Variants in NAA25 observed in about 807,000 individuals in gnomAD.
NAA25 encodes the protein N-alpha-acetyltransferase 25, NatB auxiliary subunit.
Under a neutral mutation model 132.5 loss-of-function variants are expected in NAA25, and 30 were observed. That is an observed-to-expected ratio of 0.23 (90% CI 0.17 to 0.31). The LOEUF (loss-of-function observed/expected upper bound fraction) is 0.31, where lower values mean the gene tolerates loss of function less well. NAA25 is among the 10% of genes least tolerant of loss of function. NAA25 has a pLI of 1.00. For missense variants in NAA25, 771 were observed against 1,150.4 expected (o/e 0.67, Z 4.77); for synonymous variants, 359 against 401.9 (o/e 0.89, Z 1.28).
chr12:112,089,826 C>G (rs2079106440), intron 3 of NAA25, among the ~76,000 whole-genome samples: 1 of 151,714 alleles, frequency 6.6e-6, no homozygotes, highest in Non-Finnish European at 1.5e-5. Flanking sequence ...AAACCCGTCT[C>G]TACTAAAAAT....
rs2079179003 is a variant in NAA25 at position 112,094,168 on chromosome 12, G to A, written c.59-1032C>T. 2.7e-5 allele frequency among the ~76,000 whole-genome samples: 4 copies of A among 149,212 alleles called. No individual in the cohort carries two copies. The South Asian group carries it at 8.4e-4, about 31-fold the overall frequency. ...AGACAGGAGAATGGCGTGAACCCAG[G>A]AGGCGGAGCTTACAGTGAGCCAAGA... On this transcript the variant is annotated intron_variant, in intron 1 of 23. Coordinates refer to ENST00000261745, the MANE Select transcript of NAA25 (RefSeq NM_024953.4).
chr12:112,086,099 CACA>C lies in NAA25; in HGVS notation c.402+1581_402+1583del, dbSNP rs1566027592. Among the ~76,000 whole-genome samples the C allele has an allele frequency of 1.9e-3, 244 of 128,478 alleles. 4 individuals are homozygous for C. Among genetic ancestry groups the C allele is most frequent in the African/African-American group, 7.5e-3 (236 of 31,432 alleles). The allele number at this position is 128,478 out of a possible 152,430, so 84.3% of individuals were successfully genotyped here. On this transcript the variant is annotated intron_variant, in intron 4 of 23. Transcript: ENST00000261745. ...ACACACACACACACACACACACACA[CACA>C]CCCATAACCATTTTACATTTTTAAA...
chr12:112,102,109 T>G (rs2079304010), intron 1 of NAA25, among the ~76,000 whole-genome samples: 1 of 151,866 alleles, frequency 6.6e-6, no homozygotes, highest in South Asian at 2.1e-4. Context: ...ACTCAAGTGA[T>G]CCACCCAGGA....
chr12:112,091,139 G>A (rs538338051), intron 2 of NAA25, among the ~76,000 whole-genome samples: 32 of 151,574 alleles, frequency 2.1e-4, no homozygotes, highest in African/African-American at 7.5e-4. Context: ...GTATGGTGGT[G>A]TGCACCCAGC....
At chr12:112,105,062 G>A (rs1003470523) in intron 1 of NAA25, among the ~76,000 whole-genome samples, 4 of 152,004 alleles carry the variant, frequency 2.6e-5, no homozygotes, top group African/African-American at 4.8e-5. Flanking sequence ...GCTCACGCCT[G>A]TAACCCCAGC....
In NAA25 at chr12:112,026,767, GGAA is replaced by G. The variant is rs1430499539; in HGVS notation, c.*2761_*2763del. On this transcript the variant is annotated 3_prime_UTR_variant, in exon 24 of 24. Transcript: ENST00000261745. ...GATTTGCTATGCTTCACTTACTTAA[GGAA>G]GAATATATACTTCCTATATTAATAA... The G allele has an allele frequency of 6.6e-6, 1 of 152,052 alleles. No individual in the cohort carries two copies. Among genetic ancestry groups the G allele is most frequent in the African/African-American group, 2.4e-5 (1 of 41,396 alleles). The allele number at this position is 152,052 out of a possible 1,614,324, so 9.4% of individuals were successfully genotyped here. A position where few individuals can be genotyped will look rare whatever the true frequency, so the allele number is the denominator to read the frequency against.
intron 4 of NAA25, among the ~76,000 whole-genome samples, chr12:112,083,155 G>A (rs1411682883): frequency 6.6e-6 from 1 of 152,126 alleles, no homozygotes; most frequent in Non-Finnish European, 1.5e-5. Context: ...AAACCAGGAT[G>A]GGGTAGATCA....
intron 1 of NAA25, among the ~76,000 whole-genome samples, chr12:112,107,049 CA>C (rs2079372807): frequency 6.7e-6 from 1 of 148,378 alleles, no homozygotes; most frequent in Non-Finnish European, 1.5e-5. Flanking sequence ...CTGAGTAGGT[CA>C]AGAGTTCAAG....
intron 11 of NAA25, among the ~76,000 whole-genome samples, chr12:112,066,702 A>AGTTG (rs2078723599): frequency 6.6e-6 from 1 of 152,158 alleles, no homozygotes; most frequent in African/African-American, 2.4e-5. Flanking sequence ...GAGCCCTATA[A>AGTTG]CCACAGCAAC....
At chr12:112,096,134 T>C (rs1180722812) in intron 1 of NAA25, among the ~76,000 whole-genome samples, 1 of 152,214 alleles carries the variant, frequency 6.6e-6, no homozygotes, top group Non-Finnish European at 1.5e-5. Flanking sequence ...AGCAGTTTTA[T>C]GCTCTAAAAA....
chr12:112,105,816 C>G (rs145698535), intron 1 of NAA25, among the ~76,000 whole-genome samples: 2 of 152,340 alleles, frequency 1.3e-5, no homozygotes, highest in African/African-American at 4.8e-5. Context: ...GTAGCTACAA[C>G]CTTGAGCAAG....
intron 4 of NAA25, among the ~76,000 whole-genome samples, chr12:112,082,366 T>C (rs996540580): frequency 4.6e-5 from 7 of 152,194 alleles, no homozygotes; most frequent in Non-Finnish European, 5.9e-5. Flanking sequence ...CCCAAGGAGA[T>C]TGAGACCAGC....
chr12:112,081,234 T>C lies in NAA25; in HGVS notation c.403-100A>G, dbSNP rs1454473433. 4 of 899,584 alleles carry C rather than the reference T, an allele frequency of 4.4e-6. No homozygotes were observed. In the East Asian group the frequency reaches 7.3e-5, roughly 16 times the overall value. 55.7% of individuals were successfully genotyped at this position (899,584 alleles called of 1,614,324 possible). Reference sequence around the variant, plus strand: ...AAAGTTTCTTGGGAGAACAGCAATATATTTACATATCCCAGTTAGTGTAAA... The same window carrying C: ...AAAGTTTCTTGGGAGAACAGCAATACATTTACATATCCCAGTTAGTGTAAA... On this transcript the variant is annotated intron_variant, in intron 4 of 23. Transcript: ENST00000261745.
At position 112,070,936 on chromosome 12, in the gene NAA25, G is replaced by A. The variant is rs528533883; in HGVS notation, c.1036+959C>T. Among the ~76,000 whole-genome samples, 8 of 152,334 alleles carry A rather than the reference G, an allele frequency of 5.3e-5. No homozygotes were observed. In the East Asian group the frequency reaches 1.2e-3, roughly 22 times the overall value. On this transcript the variant is annotated intron_variant, in intron 10 of 23. Coordinates refer to ENST00000261745, the MANE Select transcript of NAA25 (RefSeq NM_024953.4). The stretch of plus-strand genomic sequence containing the variant: ...TAATTTTTGTATTTTTAGTAGAGAC[G>A]GTGTTTCACCATGTTGGCCAGGCTG...
intron 13 of NAA25, among the ~76,000 whole-genome samples, chr12:112,056,153 G>GCCAACA (rs2078541754): frequency 1.3e-5 from 2 of 152,080 alleles, no homozygotes; most frequent in African/African-American, 4.8e-5. Context: ...GGCCAACATG[G>GCCAACA]TAAAACCTCT....
At position 112,060,369 on chromosome 12, in the gene NAA25, A is replaced by G. The variant is rs1307525305; in HGVS notation, c.1358-10T>C. 2.6e-6 allele frequency: 4 copies of G among 1,560,278 alleles called. No homozygotes were observed. Among genetic ancestry groups the G allele is most frequent in the African/African-American group, 1.4e-5 (1 of 73,700 alleles). On this transcript the variant is annotated splice_polypyrimidine_tract_variant and intron_variant, in intron 12 of 23. Coordinates refer to ENST00000261745, the MANE Select transcript of NAA25 (RefSeq NM_024953.4). ...TTCAAACAGGTTTTCCCTATGGGGGAAAAAAATCATATCTATTTTAACATT... is the reference window on the plus strand; with the variant it reads ...TTCAAACAGGTTTTCCCTATGGGGGGAAAAAATCATATCTATTTTAACATT...
At chr12:112,056,034 T>C (rs1433724418) in intron 13 of NAA25, among the ~76,000 whole-genome samples, 4 of 151,752 alleles carry the variant, frequency 2.6e-5, no homozygotes, top group Non-Finnish European at 1.5e-5. Flanking sequence ...ACCCCAACTA[T>C]ACAAAAAATA....
intron 8 of NAA25, 38 bp from the exon 9 acceptor site, chr12:112,074,802 C>A: frequency 7.8e-7 from 1 of 1,280,872 alleles, no homozygotes; most frequent in Non-Finnish European, 1.1e-6. Context: ...GGATTAAACC[C>A]AAGTTGTGAC....
At chr12:112,043,512 C>T in intron 18 of NAA25, 113 bp downstream of exon 18, 1 of 1,233,474 alleles carries the variant, frequency 8.1e-7, no homozygotes, top group Non-Finnish European at 1.1e-6. Flanking sequence ...CTGCAGAAGC[C>T]ATAAACTGGG....
Sources: gnomAD v4.1 joint callset for allele counts (sites outside exome capture counted in the v4.1 genomes callset) on GRCh38, gnomAD v4.1.1 for gene constraint, MANE v1.5 for transcripts, NCBI Gene and HGNC (gene_info 2026-07-23, HGNC 2026-07-21) for gene names.